The following IRAK3 variants were observed in gnomAD, a reference collection of about 807,000 sequenced individuals.
IRAK3 encodes interleukin 1 receptor associated kinase 3.
IRAK3 carries 57 observed loss-of-function variants against 56.6 expected under a neutral mutation model. That is an observed-to-expected ratio of 1.01 (90% CI 0.81 to 1.26). The LOEUF is 1.26. Ranked by LOEUF, IRAK3 falls within the 50% of genes most tolerant of loss-of-function variation. IRAK3 has a pLI of 0.00. For synonymous variants in IRAK3, 258 were observed against 255.7 expected (o/e 1.01, Z -0.09); for missense variants, 703 against 719.0 (o/e 0.98, Z 0.25).
chr12:66,202,542 C>T (rs867506751), intron 1 of IRAK3, among the ~76,000 whole-genome samples: 2 of 151,906 alleles, frequency 1.3e-5, no homozygotes, highest in African/African-American at 2.4e-5. Context: ...AAGGCCAAGG[C>T]GGGCAGATTG....
intron 1 of IRAK3, chr12:66,198,090 T>C (rs1007414356): frequency 4.1e-6 from 4 of 985,218 alleles, no homozygotes; most frequent in Non-Finnish European, 4.8e-6. Context: ...ATAAATATTT[T>C]ATCTGAGACT....
At chr12:66,234,128 A>G in intron 8 of IRAK3, 1 of 1,614,186 alleles carries the variant, frequency 6.2e-7, no homozygotes, top group East Asian at 2.2e-5. Flanking sequence ...CTCGACAGCC[A>G]CCTGCTGTTG....
rs797021520 is a variant in IRAK3, at chr12:66,197,898, G to A, written c.134-5813G>A. 9.2e-6 allele frequency: 9 copies of A among 983,494 alleles called. No homozygotes were observed. The African/African-American group carries it at 1.6e-4, about 18-fold the overall frequency. 60.9% of individuals were successfully genotyped at this position (983,494 alleles called of 1,614,324 possible). A position where few individuals can be genotyped will look rare whatever the true frequency, so the allele number is the denominator to read the frequency against. ...GTCATGGCCTGCTGCACTTTTAAAA[G>A]GGAAATTCAGGAATCAAAAAAAAAA... On this transcript the variant is annotated intron_variant, in intron 1 of 11. Coordinates refer to ENST00000261233, the MANE Select transcript of IRAK3 (RefSeq NM_007199.3).
At chr12:66,228,896 A>G (rs1342147275) in intron 8 of IRAK3, among the ~76,000 whole-genome samples, 2 of 152,214 alleles carry the variant, frequency 1.3e-5, no homozygotes, top group Non-Finnish European at 2.9e-5. Flanking sequence ...GGCTGGGCTA[A>G]GCTGGGATGT....
chr12:66,199,115 G>C (rs2052483348), intron 1 of IRAK3, among the ~76,000 whole-genome samples: 1 of 152,184 alleles, frequency 6.6e-6, no homozygotes, highest in South Asian at 2.1e-4. Flanking sequence ...GCTGAAATTT[G>C]ATATTTAGAG....
rs1443419588 is a variant in IRAK3 at position 66,235,301 on chromosome 12, G to A, written c.887+6931G>A. Reference sequence around the variant, plus strand: ...GGGGAAGATCATCGCTGCGGGCCGCGGCGGCGGGCGCGGGCGCGGGGCAGC... The same window carrying A: ...GGGGAAGATCATCGCTGCGGGCCGCAGCGGCGGGCGCGGGCGCGGGGCAGC... On this transcript the variant is annotated intron_variant, in intron 8 of 11. Coordinates refer to ENST00000261233, the MANE Select transcript of IRAK3 (RefSeq NM_007199.3). The A allele has an allele frequency of 2.4e-6, 3 of 1,265,432 alleles. No individual in the cohort carries two copies. In the East Asian group the frequency reaches 1.0e-4, roughly 42 times the overall value. The allele number at this position is 1,265,432 out of a possible 1,614,324, so 78.4% of individuals were successfully genotyped here.
intron 1 of IRAK3, chr12:66,197,589 C>T (rs2052466980): frequency 1.0e-6 from 1 of 985,382 alleles, no homozygotes; most frequent in Non-Finnish European, 1.2e-6. Context: ...CATTTCCAGT[C>T]CGGAAGCAAT....
At chr12:66,228,783 G>T (rs961290184) in intron 8 of IRAK3, among the ~76,000 whole-genome samples, 2 of 152,112 alleles carry the variant, frequency 1.3e-5, no homozygotes, top group Non-Finnish European at 2.9e-5. Flanking sequence ...AGTATTCAAT[G>T]AATTGCATGA....
Position 66,237,213 on chromosome 12 carries a change from A to G in IRAK3, c.888-7273A>G, listed in dbSNP as rs117318163. On this transcript the variant is annotated intron_variant, in intron 8 of 11. Coordinates refer to ENST00000261233, the MANE Select transcript of IRAK3 (RefSeq NM_007199.3). ...TTGTGAGGAGGAAGTGAGGTGATAG[A>G]CTGAAAGCACAACCCAGGCCTGGCA... Among the ~76,000 whole-genome samples, 553 of 152,156 alleles carry G rather than the reference A, an allele frequency of 3.6e-3. 1 individual carries two copies. The highest frequency in any genetic ancestry group is 6.4e-3 in the Non-Finnish European group (437 of 68,008).
Position 66,244,948 on chromosome 12 carries a change from G to A in IRAK3, c.1087G>A (p.Val363Ile), listed in dbSNP as rs1429189828. 3.7e-6 allele frequency: 6 copies of A among 1,605,304 alleles called. No homozygotes were observed. The highest frequency in any genetic ancestry group is 1.7e-4 in the Middle Eastern group (1 of 6,030). Residue 363 changes from valine to isoleucine, a missense_variant and splice_region_variant, in exon 10 of 12, where the codon GTA becomes ATA. Transcript: ENST00000261233. Reference protein sequence around the residue: ...IKTDVYSFGIVIMEVLTGCRV... With the variant: ...IKTDVYSFGIIIMEVLTGCRV... ...CTGACTTTCTATATATTCCTTGTAG[G>A]TAATAATGGAAGTTCTAACAGGATG...
At chr12:66,245,359 G>T in intron 11 of IRAK3, 97 bp downstream of exon 11, 1 of 1,287,896 alleles carries the variant, frequency 7.8e-7, no homozygotes. Context: ...ATTTGTTAAT[G>T]AGACAAATCC....
chr12:66,234,120 C>G (rs184731318), intron 8 of IRAK3: 8 of 1,614,054 alleles, frequency 5.0e-6, no homozygotes, highest in Non-Finnish European at 6.8e-6. Flanking sequence ...TTAGACGTCT[C>G]GACAGCCACC....
At position 66,221,394 on chromosome 12, in the gene IRAK3, A is replaced by G. The variant is rs147712696; in HGVS notation, c.653+4159A>G. 3.8e-4 allele frequency among the ~76,000 whole-genome samples: 58 copies of G among 152,144 alleles called. 1 individual carries two copies. Among genetic ancestry groups the G allele is most frequent in the African/African-American group, 1.4e-3 (57 of 41,502 alleles). ...TGCTCTGGCTAGGACTTCCAGCTCT[A>G]TCTTGAATAGAAATGGAAAGGGTGG... On this transcript the variant is annotated intron_variant, in intron 6 of 11. Transcript: ENST00000261233.
intron 9 of IRAK3, 83 bp downstream of exon 9, chr12:66,244,767 CT>C: frequency 7.8e-7 from 1 of 1,289,412 alleles, no homozygotes; most frequent in Non-Finnish European, 1.1e-6. Flanking sequence ...AGAGTTTTAA[CT>C]TTTGACTCAT....
chr12:66,214,963 G>A (rs1179405896), intron 5 of IRAK3, among the ~76,000 whole-genome samples: 3 of 152,276 alleles, frequency 2.0e-5, no homozygotes, highest in East Asian at 1.9e-4. Context: ...AGGTGATTCC[G>A]AGTTTGCAGC....
In IRAK3 at chr12:66,254,247, A is replaced by G. The variant is rs1336886409; in HGVS notation, c.*6076A>G. The G allele has an allele frequency of 6.6e-6, 1 of 152,212 alleles. No homozygotes were observed. The highest frequency in any genetic ancestry group is 1.5e-5 in the Non-Finnish European group (1 of 68,026). 9.4% of individuals were successfully genotyped at this position (152,212 alleles called of 1,614,324 possible). ...CATGAGCCCAAAGGTATATTTCATG[A>G]TGTTTATGATATTAAAACATTGGAA... On this transcript the variant is annotated 3_prime_UTR_variant, in exon 12 of 12. Coordinates refer to ENST00000261233, the MANE Select transcript of IRAK3 (RefSeq NM_007199.3).
chr12:66,205,770 T>C (rs549140568), intron 2 of IRAK3, among the ~76,000 whole-genome samples: 1 of 152,214 alleles, frequency 6.6e-6, no homozygotes, highest in Non-Finnish European at 1.5e-5. Flanking sequence ...GGCTTTTATA[T>C]TCCAGCTTCC....
intron 8 of IRAK3, among the ~76,000 whole-genome samples, chr12:66,235,547 C>T (rs958800395): frequency 2.0e-5 from 3 of 151,864 alleles, no homozygotes; most frequent in African/African-American, 7.2e-5. Context: ...GTGCCATGGA[C>T]GGGAGTTCGC....
chr12:66,191,617 A>G (rs1280497438), intron 1 of IRAK3, among the ~76,000 whole-genome samples: 1 of 152,190 alleles, frequency 6.6e-6, no homozygotes, highest in Non-Finnish European at 1.5e-5. Flanking sequence ...CAGGTGCTGC[A>G]CAAGTTCTTG....
Sources: allele counts gnomAD v4.1 joint callset (sites outside exome capture counted in the v4.1 genomes callset), GRCh38; gene constraint gnomAD v4.1.1; transcripts MANE v1.5; gene names NCBI Gene and HGNC (gene_info 2026-07-23, HGNC 2026-07-21).